AGO4: variants seen among roughly 807,000 people sequenced by gnomAD.
AGO4 encodes argonaute RISC component 4, also known as protein argonaute-4.
A neutral mutation model predicts 104.7 loss-of-function variants in AGO4; 33 were observed. The ratio of observed to expected loss-of-function variants is 0.32; its 90% confidence interval spans 0.24 to 0.42. The LOEUF (loss-of-function observed/expected upper bound fraction) is 0.42. AGO4 is among the 10% of genes least tolerant of loss of function. The pLI is 1.00. For synonymous variants in AGO4, 331 were observed against 364.7 expected (o/e 0.91, Z 1.05); for missense variants, 711 against 1,083.4 (o/e 0.66, Z 4.83).
intron 1 of AGO4, among the ~76,000 whole-genome samples, chr1:35,816,046 G>C (rs1045997969): frequency 6.6e-5 from 10 of 152,164 alleles, no homozygotes; most frequent in African/African-American, 1.9e-4. Flanking sequence ...AAAATATCAA[G>C]TTATAAACGA....
At chr1:35,820,796 A>G (rs1224826016) in intron 2 of AGO4, among the ~76,000 whole-genome samples, 1 of 152,238 alleles carries the variant, frequency 6.6e-6, no homozygotes, top group African/African-American at 2.4e-5. Context: ...TGAGCAGATC[A>G]GAGTACAAAG....
rs1257677114 is a variant in AGO4 at position 35,808,067 on chromosome 1, G to A, written c.-350G>A. 2 of 149,224 alleles carry A rather than the reference G, an allele frequency of 1.3e-5. No individual in the cohort carries two copies. Among genetic ancestry groups the A allele is most frequent in the Non-Finnish European group, 3.0e-5 (2 of 66,716 alleles). The allele number at this position is 149,224 out of a possible 1,614,324, so 9.2% of individuals were successfully genotyped here. The stretch of plus-strand genomic sequence containing the variant: ...CGGGCTCTGTGGACCCCGCGCCCGG[G>A]GCCGCGCACGCCCCCTCCGCCCGCC... On this transcript the variant is annotated 5_prime_UTR_variant, in exon 1 of 18. Coordinates refer to ENST00000373210, the MANE Select transcript of AGO4 (RefSeq NM_017629.4). This position sits in a 1 kb window ranked among gnomAD's most constrained non-coding sequence, Gnocchi z 5.2.
At position 35,830,054 on chromosome 1, in the gene AGO4, G is replaced by A. The variant is rs373785394; in HGVS notation, c.849-1373G>A. On this transcript the variant is annotated intron_variant, in intron 7 of 17. Transcript: ENST00000373210. ...AGCTAGTTGGGAGGCTGAGGTGGGA[G>A]AATTGCTTGAGCCCAAGTGGTGGAG... Among the ~76,000 whole-genome samples the A allele has an allele frequency of 2.7e-5, 4 of 148,270 alleles. No individual in the cohort carries two copies. In the East Asian group the frequency reaches 8.2e-4, roughly 30 times the overall value.
At chr1:35,811,987 A>G (rs538862599) in intron 1 of AGO4, among the ~76,000 whole-genome samples, 1 of 152,274 alleles carries the variant, frequency 6.6e-6, no homozygotes, top group South Asian at 2.1e-4. Flanking sequence ...GGAAACCGAG[A>G]TGCAGAGAGG....
At chr1:35,816,528 C>T (rs1225859288) in intron 1 of AGO4, among the ~76,000 whole-genome samples, 1 of 152,040 alleles carries the variant, frequency 6.6e-6, no homozygotes, top group Non-Finnish European at 1.5e-5. Flanking sequence ...AGGCCAGGTG[C>T]GGTGGCTCAC....
intron 2 of AGO4, among the ~76,000 whole-genome samples, chr1:35,820,936 T>A (rs896531973): frequency 4.6e-5 from 7 of 152,186 alleles, no homozygotes; most frequent in African/African-American, 9.7e-5. Flanking sequence ...ATTATTATTA[T>A]TATCATAACT....
At chr1:35,832,035 T>A in intron 9 of AGO4, 22 bp from the exon 10 acceptor site, 1 of 1,607,216 alleles carries the variant, frequency 6.2e-7, no homozygotes, top group Non-Finnish European at 8.5e-7. Context: ...TTTTTATATA[T>A]GCAGGCTTTC....
chr1:35,829,489 CAT>C (rs1486079061), intron 7 of AGO4, among the ~76,000 whole-genome samples: 2 of 152,064 alleles, frequency 1.3e-5, no homozygotes, highest in Non-Finnish European at 2.9e-5. Flanking sequence ...TTAAATATCA[CAT>C]AGATGACCCT....
chr1:35,839,604 G>A (rs914281382), intron 13 of AGO4, among the ~76,000 whole-genome samples: 4 of 152,074 alleles, frequency 2.6e-5, no homozygotes, highest in African/African-American at 7.2e-5. Context: ...TGGCTGGTAC[G>A]TTGTATATGT....
chr1:35,816,708 A>C (rs529622428), intron 1 of AGO4, among the ~76,000 whole-genome samples, 174 bp from the exon 2 acceptor site: 3 of 150,614 alleles, frequency 2.0e-5, no homozygotes, highest in South Asian at 4.3e-4. Context: ...CTGAGGCAGG[A>C]GAATCGCTTG....
chr1:35,830,864 C>T (rs1557564332), intron 7 of AGO4, among the ~76,000 whole-genome samples: 2 of 150,522 alleles, frequency 1.3e-5, no homozygotes, highest in South Asian at 4.2e-4. Context: ...CCCAGCTACT[C>T]GGGAGCCTGA....
intron 2 of AGO4, among the ~76,000 whole-genome samples, chr1:35,817,337 G>T (rs1405029571): frequency 2.0e-5 from 3 of 152,092 alleles, no homozygotes; most frequent in African/African-American, 4.8e-5. Context: ...GAAGACATTA[G>T]TGTCTGTGGG....
intron 17 of AGO4, among the ~76,000 whole-genome samples, chr1:35,852,095 A>G (rs538686746): frequency 1.6e-4 from 25 of 152,350 alleles, no homozygotes; most frequent in South Asian, 1.4e-3. Flanking sequence ...GGAAAAAGCA[A>G]GTGGCATGTT....
Position 35,853,638 on chromosome 1 carries a change from AC to A in AGO4, c.*37del. 1.3e-6 allele frequency: 2 copies of A among 1,592,354 alleles called. No individual in the cohort carries two copies. Among genetic ancestry groups the A allele is most frequent in the Non-Finnish European group, 1.7e-6 (2 of 1,161,846 alleles). On this transcript the variant is annotated 3_prime_UTR_variant, in exon 18 of 18. Coordinates refer to ENST00000373210, the MANE Select transcript of AGO4 (RefSeq NM_017629.4). ...AGAAAAAGAACTCAACCAATTTGGCACCCCATGCAGCCTCAAAATGTTTCAA... is the reference window on the plus strand; with the variant it reads ...AGAAAAAGAACTCAACCAATTTGGCACCCATGCAGCCTCAAAATGTTTCAA...
At chr1:35,847,344 C>T (rs1233566704) in intron 15 of AGO4, among the ~76,000 whole-genome samples, 3 of 152,016 alleles carry the variant, frequency 2.0e-5, no homozygotes, top group Non-Finnish European at 4.4e-5. Flanking sequence ...AGTGATTCTC[C>T]TGCCTCAGCC....
chr1:35,810,058 G>T (rs1490005140), intron 1 of AGO4, among the ~76,000 whole-genome samples: 1 of 151,442 alleles, frequency 6.6e-6, no homozygotes, highest in Admixed American at 6.6e-5. Context: ...TTTAGCTTTT[G>T]CAGGTTTGAG....
chr1:35,831,987 G>A (rs1045532229), intron 9 of AGO4, 56 bp downstream of exon 9: 5 of 1,605,898 alleles, frequency 3.1e-6, no homozygotes, highest in Non-Finnish European at 3.4e-6. Flanking sequence ...AAAAACAAAA[G>A]AATAGAAAAC....
At chr1:35,819,210 A>G (rs1485938330) in intron 2 of AGO4, among the ~76,000 whole-genome samples, 1 of 152,296 alleles carries the variant, frequency 6.6e-6, no homozygotes, top group East Asian at 1.9e-4. Flanking sequence ...GTCATTTATC[A>G]GATGGGGAAA....
chr1:35,839,036 G>A (rs535944500), intron 13 of AGO4, among the ~76,000 whole-genome samples: 10 of 151,748 alleles, frequency 6.6e-5, no homozygotes, highest in East Asian at 1.9e-4. Flanking sequence ...GCTGGAGTGC[G>A]GTGGCACAAT....
Sources: gnomAD v4.1 joint callset for allele counts (sites outside exome capture counted in the v4.1 genomes callset) on GRCh38, gnomAD v4.1.1 for gene constraint, Gnocchi (gnomAD v3.1) non-coding constraint, MANE v1.5 for transcripts, NCBI Gene and HGNC (gene_info 2026-07-23, HGNC 2026-07-21) for gene names.